Variants in MSI2 observed in about 807,000 individuals in gnomAD.
MSI2 encodes the protein musashi RNA binding protein 2.
A neutral mutation model predicts 45.6 loss-of-function variants in MSI2; 17 were observed. The observed-to-expected ratio is 0.37, with a 90% CI of 0.26 to 0.56. The LOEUF is 0.56. Ranked by LOEUF, MSI2 falls within the 20% of genes least tolerant of loss-of-function variation. The pLI is 0.77. For synonymous variants in MSI2, 156 were observed against 158.2 expected (o/e 0.99, Z 0.11); for missense variants, 293 against 444.2 (o/e 0.66, Z 3.06).
intron 5 of MSI2, chr17:57,267,364 C>T (rs1907896550): frequency 6.6e-6 from 1 of 152,252 alleles, no homozygotes; most frequent in Non-Finnish European, 1.5e-5. Flanking sequence ...ATGTCCTTTC[C>T]CTGGATTTTG....
chr17:57,661,930 T>C (rs1166083336), intron 11 of MSI2, among the ~76,000 whole-genome samples: 3 of 152,196 alleles, frequency 2.0e-5, no homozygotes, highest in African/African-American at 7.2e-5. Context: ...GGGTGAGCTC[T>C]CCTGAATGAA....
intron 5 of MSI2, among the ~76,000 whole-genome samples, chr17:57,295,514 C>T (rs984376555): frequency 5.3e-5 from 8 of 151,870 alleles, no homozygotes; most frequent in Admixed American, 3.9e-4. Context: ...TATACAGGTG[C>T]GGTAGGTTGA....
At chr17:57,688,622 T>C (rs911809751), downstream of MSI2, among the ~76,000 whole-genome samples, 5 of 152,122 alleles carry the variant, frequency 3.3e-5, no homozygotes, top group Admixed American at 3.3e-4. Flanking sequence ...AAAATACATA[T>C]ATATGTATGT....
At chr17:57,585,813 G>A (rs898896510) in intron 7 of MSI2, among the ~76,000 whole-genome samples, 2 of 152,240 alleles carry the variant, frequency 1.3e-5, no homozygotes, top group Admixed American at 1.3e-4. Context: ...GTTGGAGCTC[G>A]CCAAAGCCGC....
At chr17:57,482,322 A>G (rs766823504) in intron 6 of MSI2, among the ~76,000 whole-genome samples, 1 of 152,218 alleles carries the variant, frequency 6.6e-6, no homozygotes, top group Non-Finnish European at 1.5e-5. Context: ...CGTTCACGCT[A>G]CAGTAAATGC....
chr17:57,413,828 T>C (rs913353015), intron 6 of MSI2, among the ~76,000 whole-genome samples: 4 of 152,020 alleles, frequency 2.6e-5, no homozygotes, highest in African/African-American at 7.3e-5. Flanking sequence ...AGCTCCGCAA[T>C]GTAGGACTGT....
At position 57,682,566 on chromosome 17, in the gene MSI2, A is replaced by C. The variant is rs1913679366; in HGVS notation, c.*3049A>C. 1 of 211,116 alleles carries C rather than the reference A, an allele frequency of 4.7e-6. No individual in the cohort carries two copies. Among genetic ancestry groups the C allele is most frequent in the South Asian group, 1.9e-4 (1 of 5,330 alleles). The allele number at this position is 211,116 out of a possible 1,614,324, so 13.1% of individuals were successfully genotyped here. Reference sequence around the variant, plus strand: ...AGCCCATAGCACAAATCTTGTGGAAATCCGATATGTTTTAATGTGGCTACC... The same window carrying C: ...AGCCCATAGCACAAATCTTGTGGAACTCCGATATGTTTTAATGTGGCTACC... On this transcript the variant is annotated 3_prime_UTR_variant, in exon 14 of 14. Transcript: ENST00000284073.
chr17:57,409,848 A>G (rs1414675754), intron 6 of MSI2, among the ~76,000 whole-genome samples: 1 of 151,902 alleles, frequency 6.6e-6, no homozygotes, highest in Non-Finnish European at 1.5e-5. Context: ...CTCTACTAAA[A>G]ATACAAAAAA....
chr17:57,532,828 T>G (rs1310771627), intron 7 of MSI2, among the ~76,000 whole-genome samples: 1 of 152,220 alleles, frequency 6.6e-6, no homozygotes, highest in African/African-American at 2.4e-5. Flanking sequence ...CCCAGAGGTG[T>G]TGTCACAGCA....
intron 7 of MSI2, among the ~76,000 whole-genome samples, chr17:57,557,093 C>G (rs539311596): frequency 6.6e-6 from 1 of 152,154 alleles, no homozygotes; most frequent in Non-Finnish European, 1.5e-5. Context: ...CCGATAATAG[C>G]GTTCCTCATC....
chr17:57,290,486 T>A (rs934940115), intron 5 of MSI2, among the ~76,000 whole-genome samples: 3 of 152,176 alleles, frequency 2.0e-5, no homozygotes, highest in African/African-American at 4.8e-5. Context: ...TTTTTAAAAA[T>A]TTTTTGTAGA....
intron 5 of MSI2, among the ~76,000 whole-genome samples, chr17:57,327,157 C>G (rs1323535342): frequency 6.6e-6 from 1 of 152,140 alleles, no homozygotes; most frequent in African/African-American, 2.4e-5. Context: ...CACCGTAATC[C>G]AAGCAACTTG....
intron 5 of MSI2, among the ~76,000 whole-genome samples, chr17:57,384,383 G>A (rs2083649777): frequency 6.6e-6 from 1 of 152,166 alleles, no homozygotes; most frequent in Non-Finnish European, 1.5e-5. Flanking sequence ...TCCTACATGT[G>A]GTCTGTCTAT....
At chr17:57,269,505 CTCT>C (rs993093178) in intron 5 of MSI2, among the ~76,000 whole-genome samples, 1 of 152,298 alleles carries the variant, frequency 6.6e-6, no homozygotes, top group Non-Finnish European at 1.5e-5. Flanking sequence ...TTGCCATAGA[CTCT>C]TCTTCTTCAG....
chr17:57,598,588 A>G (rs1276154668), intron 8 of MSI2, among the ~76,000 whole-genome samples: 1 of 152,224 alleles, frequency 6.6e-6, no homozygotes, highest in Admixed American at 6.5e-5. Context: ...AGGTCCCCTC[A>G]TAGGCTTTCT....
At chr17:57,657,220 T>A (rs1911660500) in intron 11 of MSI2, among the ~76,000 whole-genome samples, 1 of 152,180 alleles carries the variant, frequency 6.6e-6, no homozygotes, top group Middle Eastern at 3.2e-3. Context: ...GAACAAGGAT[T>A]GAATGTGAGT....
rs118015572 is a variant in MSI2 at position 57,560,713 on chromosome 17, C to G, written c.454+30989C>G. 6.7e-3 allele frequency among the ~76,000 whole-genome samples: 1,017 copies of G among 152,312 alleles called. 5 individuals are homozygous for G. Among genetic ancestry groups the G allele is most frequent in the Middle Eastern group, 0.01 (3 of 294 alleles). ...GTTTCTGAGCAGTATAATAATGCTG[C>G]TATTATTAACAATTACTGCCGGTAT... On this transcript the variant is annotated intron_variant, in intron 7 of 13. Transcript: ENST00000284073.
chr17:57,573,237 C>T (rs1172963866), intron 7 of MSI2, among the ~76,000 whole-genome samples: 2 of 152,130 alleles, frequency 1.3e-5, no homozygotes, highest in Non-Finnish European at 2.9e-5. Context: ...CTATAATGAC[C>T]TTGAAAAGCA....
the MSI2 span, among the ~76,000 whole-genome samples, chr17:57,691,178 TTC>T: frequency 2.0e-3 from 284 of 144,550 alleles, 5 homozygotes; most frequent in African/African-American, 6.5e-3. Context: ...CTCTCTCTCT[TTC>T]TCTCTCTCTC....
Sources: allele counts gnomAD v4.1 joint callset (sites outside exome capture counted in the v4.1 genomes callset), GRCh38; gene constraint gnomAD v4.1.1; transcripts MANE v1.5; gene names NCBI Gene and HGNC (gene_info 2026-07-23, HGNC 2026-07-21).